The following FANCB variants were observed in gnomAD, a reference collection of about 807,000 sequenced individuals.
FANCB encodes the protein Fanconi anemia group B protein.
A neutral mutation model predicts 38.9 loss-of-function variants in FANCB; 5 were observed. The observed-to-expected ratio is 0.13, with a 90% CI of 0.07 to 0.27. The LOEUF (loss-of-function observed/expected upper bound fraction) is 0.27, where lower values mean the gene tolerates loss of function less well. Ranked by LOEUF, FANCB falls within the 10% of genes least tolerant of loss-of-function variation. The pLI is 1.00. For synonymous variants in FANCB, 236 were observed against 215.4 expected (o/e 1.10, Z -0.84); for missense variants, 573 against 602.7 (o/e 0.95, Z 0.52).
the FANCB span, among the ~76,000 whole-genome samples, chrX:14,810,140 G>A: frequency 1.8e-5 from 2 of 111,455 alleles, no homozygotes; most frequent in East Asian, 5.6e-4. Flanking sequence ...AAACAGAAAG[G>A]GCATCCCCAC....
chrX:14,834,395 A>G, downstream of FANCB: 4 of 375,596 alleles, frequency 1.1e-5, no homozygotes, highest in South Asian at 1.2e-4. Flanking sequence ...GCATTATAAA[A>G]AGGACAGCCA....
chrX:14,866,690 CTCTT>C (rs1238605407), intron 2 of FANCB, among the ~76,000 whole-genome samples: 1 of 112,049 alleles, frequency 8.9e-6, no homozygotes, highest in Non-Finnish European at 1.9e-5. Flanking sequence ...TTGTTGATAT[CTCTT>C]TATTCAGTCT....
the FANCB span, among the ~76,000 whole-genome samples, chrX:14,710,982 T>C: frequency 8.9e-6 from 1 of 112,406 alleles, no homozygotes; most frequent in Admixed American, 9.4e-5. Context: ...AGTCACAGAG[T>C]TGTTAAAAGT....
chrX:14,862,907 T>C (rs2092453098), intron 3 of FANCB, among the ~76,000 whole-genome samples: 1 of 111,963 alleles, frequency 8.9e-6, no homozygotes. Flanking sequence ...AGTAAAACAC[T>C]ATAGGGTATA....
intron 7 of FANCB, among the ~76,000 whole-genome samples, chrX:14,847,099 G>C (rs1434736190): frequency 9.1e-6 from 1 of 110,179 alleles, no homozygotes; most frequent in African/African-American, 3.3e-5. Context: ...TCTGGGGGAT[G>C]GGGGTGAGGA....
the FANCB span, among the ~76,000 whole-genome samples, chrX:14,775,165 T>G: frequency 1.3e-4 from 9 of 69,536 alleles, no homozygotes; most frequent in East Asian, 7.7e-4. Context: ...CTAATGTTTT[T>G]TTTTTTTTTT....
At chrX:14,812,593 G>C in the FANCB span, among the ~76,000 whole-genome samples, 7 of 109,797 alleles carry the variant, frequency 6.4e-5, no homozygotes, top group South Asian at 1.5e-3. Flanking sequence ...TTGACACATA[G>C]ACCCTCCCAA....
chrX:14,695,850 T>C, the FANCB span, among the ~76,000 whole-genome samples: 1 of 110,840 alleles, frequency 9.0e-6, no homozygotes, highest in African/African-American at 3.3e-5. Flanking sequence ...TATTAAATAG[T>C]AGTTTGGGAG....
chrX:14,690,677 CTG>C, the FANCB span: 2,332 of 737,226 alleles, frequency 3.2e-3, 1 homozygote, highest in Middle Eastern at 5.0e-3. Flanking sequence ...CTCTCTCTCT[CTG>C]TGTGTGTGTG....
chrX:14,706,075 C>T, the FANCB span, among the ~76,000 whole-genome samples: 1 of 42,248 alleles, frequency 2.4e-5, no homozygotes, highest in Non-Finnish European at 6.8e-5. Flanking sequence ...CACCTCAGAC[C>T]ATTAAATCAG....
At chrX:14,763,328 A>G in the FANCB span, among the ~76,000 whole-genome samples, 2 of 112,463 alleles carry the variant, frequency 1.8e-5, no homozygotes, top group East Asian at 5.5e-4. Context: ...AAAAGGGAAT[A>G]CTATACAGCC....
the FANCB span, among the ~76,000 whole-genome samples, chrX:14,702,498 G>GTATAT: frequency 8.9e-6 from 1 of 112,318 alleles, no homozygotes; most frequent in Non-Finnish European, 1.9e-5. Flanking sequence ...AATCTGGGAT[G>GTATAT]TATATTATAA....
At chrX:14,710,301 C>A in the FANCB span, among the ~76,000 whole-genome samples, 1 of 111,792 alleles carries the variant, frequency 8.9e-6, no homozygotes, top group African/African-American at 3.3e-5. Context: ...AGAAATTGAG[C>A]AGTAAGAGGG....
At chrX:14,860,627 A>C (rs1430411180) in intron 3 of FANCB, among the ~76,000 whole-genome samples, 1 of 112,419 alleles carries the variant, frequency 8.9e-6, no homozygotes, top group Non-Finnish European at 1.9e-5. Flanking sequence ...TATATCTAAA[A>C]TATTGTCATT....
chrX:14,864,957 C>A lies in FANCB; in HGVS notation c.554G>T (p.Gly185Val), dbSNP rs776636177. ...CTCAGATAAACAACATTCCTTTAGT[C>A]CCAATAAAACCATACCTAAATTTTC... ...EIENLGMVLLGLKECCLSEEE... is the reference protein window; with the variant it reads ...EIENLGMVLLVLKECCLSEEE... Residue 185 changes from glycine to valine, a missense_variant, in exon 3 of 10, where the codon GGA becomes GTA. Transcript: ENST00000650831. The A allele has an allele frequency of 3.3e-6, 4 of 1,210,966 alleles. No individual in the cohort carries two copies. The highest frequency in any genetic ancestry group is 2.2e-5 in the Admixed American group (1 of 45,992).
the FANCB span, among the ~76,000 whole-genome samples, chrX:14,789,756 C>T: frequency 9.0e-6 from 1 of 111,681 alleles, no homozygotes; most frequent in Admixed American, 9.5e-5. Flanking sequence ...AGCATTGACA[C>T]TGCAGTTATT....
chrX:14,735,853 C>T, the FANCB span, among the ~76,000 whole-genome samples: 19 of 111,711 alleles, frequency 1.7e-4, no homozygotes, highest in East Asian at 1.7e-3. Context: ...TTCTCCCAGG[C>T]GCTGTGTCCC....
chrX:14,842,666 T>C (rs138913551), downstream of FANCB, among the ~76,000 whole-genome samples: 566 of 112,349 alleles, frequency 5.0e-3, 5 homozygotes, highest in African/African-American at 0.017. Flanking sequence ...TATTTTTAAA[T>C]TTCTCAGTCC....
the FANCB span, among the ~76,000 whole-genome samples, chrX:14,805,989 C>T: frequency 8.9e-5 from 10 of 112,233 alleles, no homozygotes; most frequent in Admixed American, 8.5e-4. Context: ...CCATGTCTAA[C>T]AATGTGATTG....
Sources: gnomAD v4.1 joint callset for allele counts (sites outside exome capture counted in the v4.1 genomes callset) on GRCh38, gnomAD v4.1.1 for gene constraint, MANE v1.5 for transcripts, NCBI Gene and HGNC (gene_info 2026-07-23, HGNC 2026-07-21) for gene names.